OPCML: variants seen among roughly 807,000 people sequenced by gnomAD.
OPCML encodes the protein opioid-binding protein/cell adhesion molecule.
A neutral mutation model predicts 37.8 loss-of-function variants in OPCML; 13 were observed. The observed-to-expected ratio is 0.34, with a 90% CI of 0.22 to 0.55. The LOEUF (loss-of-function observed/expected upper bound fraction) is 0.55, where lower values mean the gene tolerates loss of function less well. OPCML is among the 20% of genes least tolerant of loss of function. The pLI is 0.91. For missense variants in OPCML, 341 were observed against 435.6 expected, an observed-to-expected ratio of 0.78 and a Z score of 1.93; for synonymous variants, 176 against 168.8, an observed-to-expected ratio of 1.04 and a Z score of -0.33.
intron 1 of OPCML, among the ~76,000 whole-genome samples, chr11:133,216,814 C>T (rs1330539130): frequency 6.6e-6 from 1 of 151,836 alleles, no homozygotes; most frequent in Non-Finnish European, 1.5e-5. Flanking sequence ...ATACTTAAGC[C>T]TTTTTATTGG....
intron 2 of OPCML, among the ~76,000 whole-genome samples, chr11:132,729,717 A>T (rs958331825): frequency 6.6e-6 from 1 of 152,190 alleles, no homozygotes; most frequent in African/African-American, 2.4e-5. Flanking sequence ...TTTGCATTCA[A>T]ATGCCTTCTG....
intron 1 of OPCML, among the ~76,000 whole-genome samples, chr11:133,207,110 A>G (rs1388463032): frequency 2.1e-5 from 3 of 142,554 alleles, no homozygotes; most frequent in Admixed American, 7.0e-5. Context: ...ACACGGTGAA[A>G]CCCTCTACTA....
At chr11:133,273,790 T>A (rs1396902658) in intron 1 of OPCML, among the ~76,000 whole-genome samples, 1 of 152,102 alleles carries the variant, frequency 6.6e-6, no homozygotes, top group Non-Finnish European at 1.5e-5. Flanking sequence ...TAAGAGGGAA[T>A]TGTCGCATTG....
At chr11:133,514,804 G>C (rs1407744558) in intron 1 of OPCML, among the ~76,000 whole-genome samples, 2 of 152,118 alleles carry the variant, frequency 1.3e-5, no homozygotes, top group African/African-American at 2.4e-5. Flanking sequence ...TCACTCCTGT[G>C]TACCCTCAAG....
intron 2 of OPCML, among the ~76,000 whole-genome samples, chr11:132,933,854 C>A (rs1195472055): frequency 3.3e-5 from 5 of 152,244 alleles, no homozygotes; most frequent in African/African-American, 1.2e-4. Context: ...AATTCCTCCC[C>A]CCTCTTACAC....
At chr11:133,108,927 C>T (rs1460274923) in intron 1 of OPCML, among the ~76,000 whole-genome samples, 2 of 152,216 alleles carry the variant, frequency 1.3e-5, no homozygotes, top group African/African-American at 4.8e-5. Context: ...GACTCCACTG[C>T]TCAGGGCCCT....
At chr11:133,214,309 G>A (rs1038096760) in intron 1 of OPCML, among the ~76,000 whole-genome samples, 2 of 152,030 alleles carry the variant, frequency 1.3e-5, no homozygotes, top group African/African-American at 2.4e-5. Flanking sequence ...GCTTTGAAAA[G>A]CTTAGGCTAA....
chr11:133,447,683 G>T (rs1003195073), intron 1 of OPCML, among the ~76,000 whole-genome samples: 2 of 152,196 alleles, frequency 1.3e-5, no homozygotes, highest in South Asian at 2.1e-4. Flanking sequence ...CATCCATGTT[G>T]CTGCAAAGAA....
chr11:133,100,900 A>G (rs1340007150), intron 1 of OPCML, among the ~76,000 whole-genome samples: 1 of 152,196 alleles, frequency 6.6e-6, no homozygotes, highest in Admixed American at 6.5e-5. Flanking sequence ...GACCTTGGAT[A>G]CAACAATGTG....
At chr11:133,140,817 AGAAGAAGACGACGAC>A (rs1565468021) in intron 1 of OPCML, among the ~76,000 whole-genome samples, 7 of 47,412 alleles carry the variant, frequency 1.5e-4, no homozygotes, top group African/African-American at 3.5e-4. Flanking sequence ...ACGACGACGA[AGAAGAAGACGACGAC>A]GAAGAAGACG....
chr11:133,164,844 T>TA (rs1352803115), intron 1 of OPCML, among the ~76,000 whole-genome samples: 2 of 152,202 alleles, frequency 1.3e-5, no homozygotes, highest in Non-Finnish European at 2.9e-5. Flanking sequence ...AACATTGACA[T>TA]AGAATTCCAA....
At chr11:132,714,662 C>G (rs1565799748) in intron 2 of OPCML, among the ~76,000 whole-genome samples, 1 of 152,194 alleles carries the variant, frequency 6.6e-6, no homozygotes, top group African/African-American at 2.4e-5. Flanking sequence ...GCCGAGAGCA[C>G]TGGCTTATCG....
At chr11:133,337,902 C>A (rs577152512) in intron 1 of OPCML, among the ~76,000 whole-genome samples, 4 of 152,082 alleles carry the variant, frequency 2.6e-5, no homozygotes, top group Admixed American at 2.6e-4. Context: ...ACACTGATCC[C>A]CACCACTCAT....
At chr11:133,317,693 G>A (rs1203245125) in intron 1 of OPCML, among the ~76,000 whole-genome samples, 1 of 152,084 alleles carries the variant, frequency 6.6e-6, no homozygotes, top group Non-Finnish European at 1.5e-5. Context: ...GCCTGACCTC[G>A]CTCCACCATG....
chr11:133,442,176 G>C (rs577472969), intron 1 of OPCML, among the ~76,000 whole-genome samples: 10 of 152,268 alleles, frequency 6.6e-5, no homozygotes, highest in African/African-American at 2.4e-4. Flanking sequence ...AGTGGAGCTT[G>C]GGTTTAAACT....
At chr11:133,228,592 G>A (rs1032197966) in intron 1 of OPCML, among the ~76,000 whole-genome samples, 5 of 152,236 alleles carry the variant, frequency 3.3e-5, no homozygotes, top group African/African-American at 7.2e-5. Flanking sequence ...GCTGCGCCCT[G>A]CCGGGCCTCC....
intron 1 of OPCML, among the ~76,000 whole-genome samples, chr11:132,983,912 G>T (rs1946638537): frequency 6.6e-6 from 1 of 152,196 alleles, no homozygotes; most frequent in South Asian, 2.1e-4. Flanking sequence ...TTCCTTCTTA[G>T]TAAGTACTAC....
At chr11:132,420,862 G>A (rs2095956169) in intron 7 of OPCML, among the ~76,000 whole-genome samples, 2 of 152,182 alleles carry the variant, frequency 1.3e-5, no homozygotes, top group Middle Eastern at 3.2e-3. Context: ...TTAAAGGCTG[G>A]AATTAGGCTT....
At chr11:132,598,484 A>G (rs1474857355) in intron 3 of OPCML, among the ~76,000 whole-genome samples, 1 of 152,172 alleles carries the variant, frequency 6.6e-6, no homozygotes, top group Non-Finnish European at 1.5e-5. Flanking sequence ...TATGCAACTA[A>G]TAGTCACCAT....
Sources: gnomAD v4.1 joint callset for allele counts (sites outside exome capture counted in the v4.1 genomes callset) on GRCh38, gnomAD v4.1.1 for gene constraint, MANE v1.5 for transcripts, NCBI Gene and HGNC (gene_info 2026-07-23, HGNC 2026-07-21) for gene names.